The following VPS54 variants were observed in gnomAD, a reference collection of about 807,000 sequenced individuals.
VPS54 encodes the protein vacuolar protein sorting-associated protein 54.
A neutral mutation model predicts 121.5 loss-of-function variants in VPS54; 45 were observed. The ratio of observed to expected loss-of-function variants is 0.37; its 90% confidence interval spans 0.29 to 0.47. The LOEUF (loss-of-function observed/expected upper bound fraction) is 0.47, where lower values mean the gene tolerates loss of function less well. Among genes scored for constraint, VPS54 ranks in the 20% least tolerant of loss-of-function variants. VPS54 has a pLI of 0.99. For missense variants in VPS54, 1,090 were observed against 1,131.4 expected, an observed-to-expected ratio of 0.96 and a Z score of 0.52; for synonymous variants, 371 against 385.8, an observed-to-expected ratio of 0.96 and a Z score of 0.45.
chr2:63,907,076 G>A (rs1321385705), intron 20 of VPS54, among the ~76,000 whole-genome samples: 1 of 152,068 alleles, frequency 6.6e-6, no homozygotes, highest in Non-Finnish European at 1.5e-5. Context: ...TTAACAAAAG[G>A]TGCTGGAACT....
At chr2:63,987,400 C>T (rs1049083019) in intron 1 of VPS54, among the ~76,000 whole-genome samples, 2 of 152,076 alleles carry the variant, frequency 1.3e-5, no homozygotes, top group African/African-American at 4.8e-5. Context: ...TACTTGGTTC[C>T]ACTGTTCTAT....
intron 9 of VPS54, among the ~76,000 whole-genome samples, chr2:63,945,628 A>G (rs553750232): frequency 6.6e-6 from 1 of 152,314 alleles, no homozygotes; most frequent in South Asian, 2.1e-4. Context: ...AGTGTTTGAA[A>G]AGCTGATTAC....
chr2:63,927,099 C>T (rs1301406646), intron 12 of VPS54, among the ~76,000 whole-genome samples: 1 of 152,190 alleles, frequency 6.6e-6, no homozygotes, highest in Non-Finnish European at 1.5e-5. Flanking sequence ...CAAAAGGCAG[C>T]AGACAGCTTC....
At chr2:63,906,267 G>A (rs1199774023) in intron 20 of VPS54, among the ~76,000 whole-genome samples, 10 of 152,124 alleles carry the variant, frequency 6.6e-5, no homozygotes, top group Admixed American at 6.6e-5. Context: ...TGTGTATGCA[G>A]AAAAATCCCA....
chr2:63,977,058 G>A (rs1477486812), intron 3 of VPS54, among the ~76,000 whole-genome samples: 4 of 151,828 alleles, frequency 2.6e-5, no homozygotes, highest in Non-Finnish European at 5.9e-5. Context: ...CGAACTCCTG[G>A]CCTCAGGTGA....
intron 1 of VPS54, among the ~76,000 whole-genome samples, chr2:63,991,049 G>A (rs1015592267): frequency 7.2e-5 from 11 of 152,120 alleles, no homozygotes; most frequent in African/African-American, 2.4e-4. Flanking sequence ...CGGACTAATA[G>A]TATTCTAATT....
intron 3 of VPS54, among the ~76,000 whole-genome samples, chr2:63,978,663 A>T (rs1676658856): frequency 6.6e-6 from 1 of 152,128 alleles, no homozygotes; most frequent in Admixed American, 6.6e-5. Context: ...GCTGTCACCC[A>T]GGCTGGAGTG....
At chr2:64,003,883 G>A (rs1384719243) in intron 1 of VPS54, among the ~76,000 whole-genome samples, 3 of 152,078 alleles carry the variant, frequency 2.0e-5, no homozygotes, top group Non-Finnish European at 4.4e-5. Flanking sequence ...ATGAACACAC[G>A]TGGTGCCCAG....
At chr2:63,945,188 C>A (rs187204658) in intron 9 of VPS54, among the ~76,000 whole-genome samples, 1 of 152,188 alleles carries the variant, frequency 6.6e-6, no homozygotes, top group Admixed American at 6.5e-5. Flanking sequence ...TACACGTACA[C>A]CATGGAATAC....
At position 64,015,874 on chromosome 2, in the gene VPS54, G is replaced by A. The variant is rs375965599; in HGVS notation, c.-21+3064C>T. Among the ~76,000 whole-genome samples the A allele has an allele frequency of 9.2e-5, 14 of 152,260 alleles. No homozygotes were observed. The South Asian group carries it at 1.2e-3, about 14-fold the overall frequency. The stretch of plus-strand genomic sequence containing the variant: ...TTGTAACATGGGTTTCATCAATGTA[G>A]CTACATATAGTCACCCACTTTTCCC... On this transcript the variant is annotated intron_variant, in intron 1 of 22. Coordinates refer to ENST00000272322, the MANE Select transcript of VPS54 (RefSeq NM_016516.3).
chr2:63,919,487 A>G (rs539699843), intron 15 of VPS54, among the ~76,000 whole-genome samples: 1 of 152,256 alleles, frequency 6.6e-6, no homozygotes, highest in South Asian at 2.1e-4. Context: ...ACAATACGGT[A>G]TAGTAGCTAA....
At chr2:63,936,050 A>T (rs1674437587) in intron 11 of VPS54, among the ~76,000 whole-genome samples, 1 of 152,184 alleles carries the variant, frequency 6.6e-6, no homozygotes, top group Non-Finnish European at 1.5e-5. Flanking sequence ...AAGCTGGAGA[A>T]CCAAGACAAA....
chr2:63,949,637 A>T (rs1471054911), intron 7 of VPS54, among the ~76,000 whole-genome samples: 1 of 151,310 alleles, frequency 6.6e-6, no homozygotes, highest in African/African-American at 2.4e-5. Flanking sequence ...GATCATCATA[A>T]AAGTTATCTT....
chr2:63,974,535 G>C (rs1389409509), intron 3 of VPS54, among the ~76,000 whole-genome samples: 2 of 152,176 alleles, frequency 1.3e-5, no homozygotes, highest in Admixed American at 6.5e-5. Flanking sequence ...TTGGGAAAAA[G>C]AGACACCTTG....
At chr2:63,944,374 G>T (rs1311764907) in intron 10 of VPS54, among the ~76,000 whole-genome samples, 1 of 152,146 alleles carries the variant, frequency 6.6e-6, no homozygotes, top group Non-Finnish European at 1.5e-5. Flanking sequence ...GGTTGCCTCA[G>T]GGTGACTGCT....
At chr2:63,924,445 T>C (rs1044386506) in intron 12 of VPS54, among the ~76,000 whole-genome samples, 2 of 152,190 alleles carry the variant, frequency 1.3e-5, no homozygotes, top group South Asian at 2.1e-4. Context: ...AAAATGTATA[T>C]GGATTTGTAA....
rs959043345 is a variant in VPS54, at chr2:64,019,244, T to G, written c.-327A>C. ...TCCGCAGCGCCGCCTCCGCCGCTGC[T>G]GCCACCGCCTCTCCCACATCCCCGG... On this transcript the variant is annotated 5_prime_UTR_variant, in exon 1 of 23. Coordinates refer to ENST00000272322, the MANE Select transcript of VPS54 (RefSeq NM_016516.3). Among the ~76,000 whole-genome samples, 1 of 149,884 alleles carries G rather than the reference T, an allele frequency of 6.7e-6. No individual in the cohort carries two copies. Among genetic ancestry groups the G allele is most frequent in the African/African-American group, 2.4e-5 (1 of 41,066 alleles).
intron 1 of VPS54, among the ~76,000 whole-genome samples, chr2:64,002,657 A>G (rs1236770843): frequency 2.6e-5 from 4 of 152,234 alleles, no homozygotes; most frequent in Admixed American, 2.6e-4. Flanking sequence ...GCAGAAAAAT[A>G]TTTCTAGATT....
At chr2:63,910,933 G>A (rs1168161993) in intron 20 of VPS54, among the ~76,000 whole-genome samples, 3 of 152,066 alleles carry the variant, frequency 2.0e-5, no homozygotes, top group Non-Finnish European at 2.9e-5. Flanking sequence ...TTTAGAGACC[G>A]GGTCTTGCTC....
Sources: allele counts gnomAD v4.1 joint callset (sites outside exome capture counted in the v4.1 genomes callset), GRCh38; gene constraint gnomAD v4.1.1; transcripts MANE v1.5; gene names NCBI Gene and HGNC (gene_info 2026-07-23, HGNC 2026-07-21).